The following MAP3K21 variants were observed in gnomAD, a reference collection of about 807,000 sequenced individuals.
MAP3K21 encodes the protein mitogen-activated protein kinase kinase kinase MLK4.
Under a neutral mutation model 86.1 loss-of-function variants are expected in MAP3K21, and 63 were observed. That is an observed-to-expected ratio of 0.73 (90% CI 0.60 to 0.90). The LOEUF (loss-of-function observed/expected upper bound fraction) is 0.90. MAP3K21 is among the 40% of genes least tolerant of loss of function. The probability of loss-of-function intolerance (pLI) is 0.00; values close to 1 mark genes in which losing one functional copy is unlikely to be tolerated. For missense variants in MAP3K21, 1,220 were observed against 1,367.7 expected (o/e 0.89, Z 1.70); for synonymous variants, 558 against 564.8 (o/e 0.99, Z 0.17).
chr1:233,362,063 C>A lies in MAP3K21; in HGVS notation c.1322C>A (p.Ser441Tyr). The A allele has an allele frequency of 1.2e-6, 2 of 1,612,088 alleles. No individual in the cohort carries two copies. Among genetic ancestry groups the A allele is most frequent in the Non-Finnish European group, 1.7e-6 (2 of 1,179,144 alleles). The change falls in exon 5 of 10, where the codon TCC becomes TAC. Residue 441 changes from serine (S) to tyrosine (Y), a missense_variant. Transcript: ENST00000366624. ...ELRTKEKELR[S>Y]REEELTRAAL... is the part of the protein sequence containing the mutation. Reference sequence around the variant, plus strand: ...GAATCTGTGTCGCAGGAGCTGCGATCCCGGGAAGAGGAGCTGACTCGGGCG... The same window carrying A: ...GAATCTGTGTCGCAGGAGCTGCGATACCGGGAAGAGGAGCTGACTCGGGCG...
chr1:233,359,695 A>T (rs1663430673), intron 4 of MAP3K21, among the ~76,000 whole-genome samples: 1 of 152,210 alleles, frequency 6.6e-6, no homozygotes, highest in African/African-American at 2.4e-5. Context: ...TGCCACCGTT[A>T]ATGATTAACA....
chr1:233,342,131 T>C (rs1028430240), intron 1 of MAP3K21, among the ~76,000 whole-genome samples: 59 of 152,310 alleles, frequency 3.9e-4, no homozygotes, highest in African/African-American at 1.4e-3. Context: ...GAATAAGGAC[T>C]GAGAAATAAA....
intron 8 of MAP3K21, among the ~76,000 whole-genome samples, chr1:233,377,031 G>C (rs1663811680): frequency 6.6e-6 from 1 of 152,056 alleles, no homozygotes; most frequent in African/African-American, 2.4e-5. Context: ...GGAGCCAGAG[G>C]TGGCAGTGAG....
In MAP3K21 at chr1:233,354,825, G is replaced by A. The variant is rs561925477; in HGVS notation, c.1136-11G>A. The stretch of plus-strand genomic sequence containing the variant: ...GAGAGATGGTATTAATGTGATTTTT[G>A]TTTATTTTAGAATGCTGGCAACAAG... On this transcript the variant is annotated splice_polypyrimidine_tract_variant and intron_variant, in intron 3 of 9. Coordinates refer to ENST00000366624, the MANE Select transcript of MAP3K21 (RefSeq NM_032435.3). 64 of 1,512,338 alleles carry A rather than the reference G, an allele frequency of 4.2e-5. 1 individual carries two copies. In the South Asian group the frequency reaches 6.4e-4, roughly 15 times the overall value. The allele number at this position is 1,512,338 out of a possible 1,614,324, so 93.7% of individuals were successfully genotyped here.
chr1:233,331,044 A>G (rs1390350176), intron 1 of MAP3K21, among the ~76,000 whole-genome samples: 2 of 152,232 alleles, frequency 1.3e-5, no homozygotes, highest in Non-Finnish European at 2.9e-5. Flanking sequence ...CTGGAATAAT[A>G]ACTATGGCCG....
chr1:233,331,854 T>G (rs972301017), intron 1 of MAP3K21, among the ~76,000 whole-genome samples: 3 of 152,232 alleles, frequency 2.0e-5, no homozygotes, highest in African/African-American at 7.2e-5. Context: ...TATAAACAAC[T>G]TTGTCCCTTT....
chr1:233,367,012 T>C (rs1488238125), intron 5 of MAP3K21, among the ~76,000 whole-genome samples: 2 of 152,240 alleles, frequency 1.3e-5, no homozygotes, highest in Non-Finnish European at 2.9e-5. Flanking sequence ...ATGGTCACAG[T>C]GCATCTTTTT....
At position 233,354,990 on chromosome 1, in the gene MAP3K21, T is replaced by C. The variant is rs758107053; in HGVS notation, c.1290T>C (p.Asp430=). 1 of 1,613,850 alleles carries C rather than the reference T, an allele frequency of 6.2e-7. No individual in the cohort carries two copies. The highest frequency in any genetic ancestry group is 8.5e-7 in the Non-Finnish European group (1 of 1,179,762). Residue 430 remains aspartate, a synonymous_variant, in exon 4 of 10, where the codon GAT becomes GAC. Coordinates refer to ENST00000366624, the MANE Select transcript of MAP3K21 (RefSeq NM_032435.3). ...AACTAGAAATTCAACAAATGTTTGATGAGTTGAGAACAAAGGAAAAGGTGA... is the reference window on the plus strand; with the variant it reads ...AACTAGAAATTCAACAAATGTTTGACGAGTTGAGAACAAAGGAAAAGGTGA... ...DWKLEIQQMF[D]ELRTKEKELR...
In MAP3K21 at chr1:233,328,309, C is replaced by T; in HGVS notation, c.281C>T (p.Ala94Val). Residue 94 changes from alanine (A) to valine (V), a missense_variant, in exon 1 of 10, where the codon GCC becomes GTC. By Grantham distance (64) the Ala-to-Val change is moderately conservative (BLOSUM62 0). This residue lies in a region of MAP3K21 where 369 missense variants were observed against 385.3 expected (regional missense o/e 0.96). Coordinates refer to ENST00000366624, the MANE Select transcript of MAP3K21 (RefSeq NM_032435.3). This position sits in a 1 kb window ranked among gnomAD's most constrained non-coding sequence, Gnocchi z 8.7. ...QVQRRLGIFP[A>V]NYVAPCRPAA... ...CAGCGGCGCCTCGGCATCTTCCCCG[C>T]CAACTACGTGGCTCCCTGCCGCCCG... is the stretch of plus-strand genomic sequence containing the variant. 6.7e-7 allele frequency: 1 copy of T among 1,484,158 alleles called. No individual in the cohort carries two copies. The allele number at this position is 1,484,158 out of a possible 1,614,324, so 91.9% of individuals were successfully genotyped here. A position where few individuals can be genotyped will look rare whatever the true frequency, so the allele number is the denominator to read the frequency against.
intron 6 of MAP3K21, among the ~76,000 whole-genome samples, chr1:233,374,440 C>T (rs1663748671): frequency 6.6e-6 from 1 of 152,188 alleles, no homozygotes; most frequent in African/African-American, 2.4e-5. Flanking sequence ...TCCTGAAGTG[C>T]TGGGATTACA....
rs1230529963 is a variant in MAP3K21, at chr1:233,384,883, G to A, written c.*2172G>A. ...TCAATCTCACATGTTACTGCAGATA[G>A]TTAACTTTTGCTGCAATCTATTGTA... is the stretch of plus-strand genomic sequence containing the variant. On this transcript the variant is annotated 3_prime_UTR_variant, in exon 10 of 10. Transcript: ENST00000366624. 6.6e-6 allele frequency: 1 copy of A among 152,158 alleles called. No individual in the cohort carries two copies. Among genetic ancestry groups the A allele is most frequent in the Non-Finnish European group, 1.5e-5 (1 of 68,022 alleles). 9.4% of individuals were successfully genotyped at this position (152,158 alleles called of 1,614,324 possible).
chr1:233,354,047 C>T (rs575223802), intron 3 of MAP3K21, 92 bp downstream of exon 3: 3 of 1,306,478 alleles, frequency 2.3e-6, no homozygotes, highest in Non-Finnish European at 3.0e-6. Flanking sequence ...TTTTCTGTGA[C>T]TCTAATTTCC....
At chr1:233,357,458 G>A (rs1433255015) in intron 4 of MAP3K21, among the ~76,000 whole-genome samples, 1 of 151,922 alleles carries the variant, frequency 6.6e-6, no homozygotes, top group Non-Finnish European at 1.5e-5. Flanking sequence ...AGACATACAG[G>A]TAATTCACTC....
chr1:233,333,714 TC>T (rs1244652505), intron 1 of MAP3K21, among the ~76,000 whole-genome samples: 1 of 152,194 alleles, frequency 6.6e-6, no homozygotes. Flanking sequence ...ATCAAGTATA[TC>T]AAAGCAGGGT....
chr1:233,382,705 G>A lies in MAP3K21; in HGVS notation c.3105G>A (p.Leu1035=), dbSNP rs116519664. ...PSIYELEKEF[L]S Reference sequence around the variant, plus strand: ...TATATGAACTGGAGAAAGAATTCCTGTCTTAAACTAAGTGCCTTACTGTTG... The same window carrying A: ...TATATGAACTGGAGAAAGAATTCCTATCTTAAACTAAGTGCCTTACTGTTG... The change falls in exon 10 of 10, where the codon CTG becomes CTA. Residue 1035 remains leucine, a synonymous_variant. Transcript: ENST00000366624. 7.4e-4 allele frequency: 1,196 copies of A among 1,611,138 alleles called. 3 individuals carry two copies. Among genetic ancestry groups the A allele is most frequent in the Non-Finnish European group, 7.0e-4 (829 of 1,177,794 alleles).
At position 233,328,076 on chromosome 1, in the gene MAP3K21, G is replaced by T; in HGVS notation, c.48G>T (p.Ser16=). Residue 16 remains serine (S), a synonymous_variant, in exon 1 of 10, where the codon TCG becomes TCT. Coordinates refer to ENST00000366624, the MANE Select transcript of MAP3K21 (RefSeq NM_032435.3). The surrounding 1 kb of genome is among the most constrained non-coding windows in gnomAD (Gnocchi z 8.7). ...AAGATDTPVS[S]AGGAPGGSAS... ...GAGCGACCGACACCCCGGTGTCCTC[G>T]GCCGGGGGAGCCCCCGGCGGCTCAG... 1 of 1,350,020 alleles carries T rather than the reference G, an allele frequency of 7.4e-7. No homozygotes were observed. Among genetic ancestry groups the T allele is most frequent in the Non-Finnish European group, 9.4e-7 (1 of 1,058,214 alleles). 83.6% of individuals were successfully genotyped at this position (1,350,020 alleles called of 1,614,324 possible). A position where few individuals can be genotyped will look rare whatever the true frequency, so the allele number is the denominator to read the frequency against.
At chr1:233,347,769 A>C (rs1193506384) in intron 2 of MAP3K21, among the ~76,000 whole-genome samples, 2 of 152,024 alleles carry the variant, frequency 1.3e-5, no homozygotes, top group Non-Finnish European at 2.9e-5. Flanking sequence ...TGAAAAAGTA[A>C]CTCTTGGATA....
chr1:233,356,469 A>AATT (rs36014775), intron 4 of MAP3K21, among the ~76,000 whole-genome samples: 19 of 151,456 alleles, frequency 1.3e-4, no homozygotes, highest in South Asian at 2.1e-4. Flanking sequence ...TTTAATGAGC[A>AATT]ATTATTATTA....
In MAP3K21 at chr1:233,384,425, A is replaced by T. The variant is rs1414848054; in HGVS notation, c.*1714A>T. ...ACTTAATACGTTTTCTTGTTTTATC[A>T]TCTGTTCTATGATTCGGCTTCACTT... On this transcript the variant is annotated 3_prime_UTR_variant, in exon 10 of 10. Coordinates refer to ENST00000366624, the MANE Select transcript of MAP3K21 (RefSeq NM_032435.3). 2 of 152,178 alleles carry T rather than the reference A, an allele frequency of 1.3e-5. No homozygotes were observed. Among genetic ancestry groups the T allele is most frequent in the African/African-American group, 4.8e-5 (2 of 41,452 alleles). 9.4% of individuals were successfully genotyped at this position (152,178 alleles called of 1,614,324 possible).
Sources: allele counts gnomAD v4.1 joint callset (sites outside exome capture counted in the v4.1 genomes callset), GRCh38; gene constraint gnomAD v4.1.1; regional missense constraint gnomAD v4.1.1; non-coding constraint Gnocchi (gnomAD v3.1); transcripts MANE v1.5; gene names NCBI Gene and HGNC (gene_info 2026-07-23, HGNC 2026-07-21).